JAKMIP3: variants seen among roughly 807,000 people sequenced by gnomAD.
The protein encoded by JAKMIP3 is janus kinase and microtubule-interacting protein 3.
JAKMIP3 carries 58 observed loss-of-function variants against 118.5 expected under a neutral mutation model. The observed-to-expected ratio is 0.49, with a 90% CI of 0.40 to 0.61. The LOEUF is 0.61. Among genes scored for constraint, JAKMIP3 ranks in the 20% least tolerant of loss-of-function variants. The pLI is 0.00. For missense variants in JAKMIP3, 950 were observed against 1,109.0 expected (o/e 0.86, Z 2.04); for synonymous variants, 486 against 451.2 (o/e 1.08, Z -0.98).
At chr10:132,116,157 A>G (rs1236769528) in intron 2 of JAKMIP3, among the ~76,000 whole-genome samples, 1 of 152,226 alleles carries the variant, frequency 6.6e-6, no homozygotes, top group Non-Finnish European at 1.5e-5. Flanking sequence ...CAACTTCTGG[A>G]ACGTATTTTT....
Position 132,180,534 on chromosome 10 carries a change from T to TGTGTGTGC in JAKMIP3, c.*1104-1816_*1104-1815insCGTGTGTG, listed in dbSNP as rs1554962696. On this transcript the variant is annotated intron_variant, in intron 23 of 23. Transcript: ENST00000684848. Reference sequence around the variant, plus strand: ...ACCTGGAAGCAGAACTGTGTGTGTGTGTGTGTGTGTGCGTGCGTGCATGCG... The same window carrying TGTGTGTGC: ...ACCTGGAAGCAGAACTGTGTGTGTGTGTGTGTGCGTGTGTGTGTGCGTGCGTGCATGCG... Among the ~76,000 whole-genome samples, 4 of 33,212 alleles carry TGTGTGTGC rather than the reference T, an allele frequency of 1.2e-4. 1 individual carries two copies. The East Asian group carries it at 4.6e-3, about 38-fold the overall frequency. The allele number at this position is 33,212 out of a possible 152,430, so 21.8% of individuals were successfully genotyped here.
At chr10:132,161,504 T>C (rs866313098) in intron 19 of JAKMIP3, among the ~76,000 whole-genome samples, 78 of 51,802 alleles carry the variant, frequency 1.5e-3, no homozygotes, top group African/African-American at 2.4e-3. Context: ...GGGGGTCTCT[T>C]CCTGTGTGAT....
At chr10:132,065,090 G>A (rs1042130022), upstream of JAKMIP3, among the ~76,000 whole-genome samples, 8 of 152,138 alleles carry the variant, frequency 5.3e-5, no homozygotes, top group Admixed American at 2.0e-4. The surrounding 1 kb of genome is among the most constrained non-coding windows in gnomAD (Gnocchi z 5.6). Context: ...GGCCCTGGTG[G>A]CCGGAGACAG....
intron 19 of JAKMIP3, among the ~76,000 whole-genome samples, chr10:132,156,700 A>G (rs956874959): frequency 1.3e-5 from 2 of 152,186 alleles, no homozygotes; most frequent in Non-Finnish European, 2.9e-5. Context: ...GACCATGTGC[A>G]TCTGCTGCCA....
At chr10:132,066,622 T>A (rs1422434239) in intron 1 of JAKMIP3, among the ~76,000 whole-genome samples, 2 of 152,246 alleles carry the variant, frequency 1.3e-5, no homozygotes, top group East Asian at 3.9e-4. Context: ...GATTGGATGG[T>A]GTCTTCTCTT....
At chr10:132,109,768 A>G (rs960240916) in intron 2 of JAKMIP3, among the ~76,000 whole-genome samples, 5 of 152,194 alleles carry the variant, frequency 3.3e-5, no homozygotes, top group African/African-American at 1.2e-4. Flanking sequence ...AAACAGGACT[A>G]TGGGAAGCCT....
chr10:132,042,493 C>T (rs115037357), intron 1 of JAKMIP3, among the ~76,000 whole-genome samples: 2,125 of 152,288 alleles, frequency 0.014, 51 homozygotes, highest in African/African-American at 0.048. Flanking sequence ...CAGGCGTGAG[C>T]CACGGCGCCT....
At chr10:132,071,835 C>CCTTTCTTTTCTTTCTTTCCTTT (rs2039929223) in intron 1 of JAKMIP3, among the ~76,000 whole-genome samples, 1 of 25,144 alleles carries the variant, frequency 4.0e-5, no homozygotes, top group East Asian at 1.4e-3. Flanking sequence ...TCCTTTCTTC[C>CCTTTCTTTTCTTTCTTTCCTTT]CTTTCCTTTC....
chr10:132,127,525 G>A (rs547082418), intron 3 of JAKMIP3, among the ~76,000 whole-genome samples: 10 of 152,266 alleles, frequency 6.6e-5, no homozygotes, highest in African/African-American at 2.4e-4. Flanking sequence ...AAAGTGCTGG[G>A]ATTACAGGCG....
intron 1 of JAKMIP3, among the ~76,000 whole-genome samples, chr10:132,073,965 G>T (rs1399327570): frequency 1.3e-5 from 2 of 151,864 alleles, no homozygotes; most frequent in Admixed American, 1.3e-4. Flanking sequence ...TTCCATAGAG[G>T]TTGTACTAAT....
rs1310758133 is a variant in JAKMIP3 at position 132,180,646 on chromosome 10, CGTGTGCGTGTGCGT to C, written c.*1104-1699_*1104-1686del. ...GTGTGCGTGTGTGCGTGCGTGTGTG[CGTGTGCGTGTGCGT>C]GTGTGCGTGTGTGTGCGCGCGCGTG... On this transcript the variant is annotated intron_variant, in intron 23 of 23. Transcript: ENST00000684848. Among the ~76,000 whole-genome samples the C allele has an allele frequency of 9.6e-4, 8 of 8,312 alleles. 2 individuals carry two copies. The highest frequency in any genetic ancestry group is 5.4e-3 in the South Asian group (1 of 186). 5.5% of individuals were successfully genotyped at this position (8,312 alleles called of 152,430 possible). A position where few individuals can be genotyped will look rare whatever the true frequency, so the allele number is the denominator to read the frequency against.
chr10:132,146,689 C>T (rs1026060281), intron 13 of JAKMIP3, among the ~76,000 whole-genome samples: 6 of 152,188 alleles, frequency 3.9e-5, no homozygotes, highest in African/African-American at 1.2e-4. Flanking sequence ...CAAACAGAGG[C>T]GTCCAATGCA....
chr10:132,181,883 C>T (rs544934318), intron 23 of JAKMIP3, among the ~76,000 whole-genome samples: 55 of 152,354 alleles, frequency 3.6e-4, no homozygotes, highest in Middle Eastern at 3.4e-3. Flanking sequence ...GCCTCCCACC[C>T]GATGCTGCCA....
chr10:132,131,805 G>A (rs2050684175), intron 3 of JAKMIP3, among the ~76,000 whole-genome samples: 1 of 152,074 alleles, frequency 6.6e-6, no homozygotes, highest in South Asian at 2.1e-4. Context: ...CCGGGTGTCT[G>A]TGTGGGTGCA....
intron 8 of JAKMIP3, 77 bp from the exon 9 acceptor site, chr10:132,138,042 C>T: frequency 1.5e-6 from 2 of 1,341,768 alleles, no homozygotes; most frequent in Admixed American, 1.9e-5. Context: ...AATGATGGCA[C>T]ACGGGCAGTA....
intron 1 of JAKMIP3, among the ~76,000 whole-genome samples, chr10:132,087,645 A>G (rs12256818): frequency 0.019 from 2,871 of 149,200 alleles, 89 homozygotes; most frequent in African/African-American, 0.067. Context: ...GTTTGATTCT[A>G]TTGCTGAGAC....
rs777639410 is a variant in JAKMIP3 at position 132,147,957 on chromosome 10, A to G, written c.1755A>G (p.Lys585=). The G allele has an allele frequency of 6.2e-7, 1 of 1,604,190 alleles. No homozygotes were observed. Among genetic ancestry groups the G allele is most frequent in the Non-Finnish European group, 8.5e-7 (1 of 1,174,830 alleles). ...ATGCATCTTTTATGTTGCAGATCAA[A>G]CAAATGGAGACGGAAGAGGCTCGGC... The part of the protein sequence containing the change: ...RRNQELVEKI[K]QMETEEARLR... The change falls in exon 14 of 24, where the codon AAA becomes AAG. Residue 585 remains lysine, a synonymous_variant. Transcript: ENST00000684848.
intron 1 of JAKMIP3, among the ~76,000 whole-genome samples, chr10:132,074,632 G>A (rs1417386542): frequency 6.6e-6 from 1 of 152,076 alleles, no homozygotes; most frequent in Non-Finnish European, 1.5e-5. Context: ...CCTTTAGATT[G>A]TCTGTCTACT....
intron 1 of JAKMIP3, among the ~76,000 whole-genome samples, chr10:132,096,903 C>G (rs1377914862): frequency 6.6e-6 from 1 of 152,208 alleles, no homozygotes; most frequent in Non-Finnish European, 1.5e-5. Context: ...CCAGAGCCAA[C>G]TGGCTCAGAC....
Sources: allele counts gnomAD v4.1 joint callset (sites outside exome capture counted in the v4.1 genomes callset), GRCh38; gene constraint gnomAD v4.1.1; non-coding constraint Gnocchi (gnomAD v3.1); transcripts MANE v1.5; gene names NCBI Gene and HGNC (gene_info 2026-07-23, HGNC 2026-07-21).